CD46: variants seen among roughly 807,000 people sequenced by gnomAD.
CD46 encodes the protein membrane cofactor protein.
CD46 carries 30 observed loss-of-function variants against 53.3 expected under a neutral mutation model. That is an observed-to-expected ratio of 0.56 (90% CI 0.42 to 0.76). The LOEUF is 0.76. CD46 is among the 30% of genes least tolerant of loss of function. The probability of loss-of-function intolerance (pLI) is 0.00; values close to 1 mark genes in which losing one functional copy is unlikely to be tolerated. For synonymous variants in CD46, 142 were observed against 152.0 expected (o/e 0.93, Z 0.48); for missense variants, 409 against 463.0 (o/e 0.88, Z 1.07).
chr1:207,783,535 A>G, intron 9 of CD46: 1 of 453,568 alleles, frequency 2.2e-6, no homozygotes, highest in Non-Finnish European at 4.1e-6. Flanking sequence ...ATCTGTCGAT[A>G]AATTTTCTTT....
chr1:207,778,985 G>A (rs1249482875), intron 8 of CD46, among the ~76,000 whole-genome samples: 49 of 152,084 alleles, frequency 3.2e-4, no homozygotes, highest in Non-Finnish European at 1.3e-4. Context: ...AATTCTCATT[G>A]CAGAGATGTT....
Position 207,793,553 on chromosome 1 carries a change from C to G in CD46, c.*76C>G. 6.2e-7 allele frequency: 1 copy of G among 1,613,932 alleles called. No individual in the cohort carries two copies. Among genetic ancestry groups the G allele is most frequent in the Non-Finnish European group, 8.5e-7 (1 of 1,179,882 alleles). ...TGGTGGAGCTGAATATGCCACTTAC[C>G]AGACTAAATCAACCACTCCAGCAGA... On this transcript the variant is annotated 3_prime_UTR_variant, in exon 13 of 13. Transcript: ENST00000367042.
chr1:207,754,280 A>G (rs528511181), intron 1 of CD46, among the ~76,000 whole-genome samples: 2 of 152,194 alleles, frequency 1.3e-5, no homozygotes, highest in Non-Finnish European at 2.9e-5. Context: ...CCCTCAGCCC[A>G]GGAACATTCT....
At chr1:207,761,193 T>C in intron 4 of CD46, 56 bp from the exon 5 acceptor site, 1 of 1,136,508 alleles carries the variant, frequency 8.8e-7, no homozygotes, top group South Asian at 1.3e-5. Context: ...ACAGAAATTT[T>C]ACTAATGCTG....
intron 9 of CD46, 71 bp from the exon 10 acceptor site, chr1:207,785,000 A>G: frequency 7.8e-7 from 1 of 1,277,156 alleles, no homozygotes; most frequent in Non-Finnish European, 1.1e-6. Flanking sequence ...AAGTGTTTAG[A>G]TGATCTGATT....
At chr1:207,755,589 TCTC>T (rs1655439059) in intron 1 of CD46, among the ~76,000 whole-genome samples, 1 of 152,208 alleles carries the variant, frequency 6.6e-6, no homozygotes, top group South Asian at 2.1e-4. Context: ...AAACCCGCAA[TCTC>T]CTGTTGTGCG....
chr1:207,756,640 C>T (rs911809732), intron 1 of CD46, among the ~76,000 whole-genome samples: 17 of 152,160 alleles, frequency 1.1e-4, no homozygotes, highest in Non-Finnish European at 2.2e-4. Flanking sequence ...TATGGAAGAA[C>T]AATCTGAGCA....
intron 12 of CD46, among the ~76,000 whole-genome samples, chr1:207,793,005 A>C (rs1415014351): frequency 6.6e-6 from 1 of 152,228 alleles, no homozygotes; most frequent in Non-Finnish European, 1.5e-5. Context: ...GACTAGAATA[A>C]TAGGTTTTAT....
intron 11 of CD46, among the ~76,000 whole-genome samples, chr1:207,788,255 G>A (rs1374421453): frequency 5.9e-5 from 9 of 151,630 alleles, no homozygotes; most frequent in Admixed American, 5.9e-4. Context: ...GGTGGCTCAC[G>A]CCTGTAATCC....
intron 5 of CD46, among the ~76,000 whole-genome samples, chr1:207,766,266 G>A (rs1656838483): frequency 6.6e-6 from 1 of 152,132 alleles, no homozygotes; most frequent in South Asian, 2.1e-4. Flanking sequence ...TGATACAGCT[G>A]TACACTTGAA....
At chr1:207,790,697 G>A (rs979251816) in intron 12 of CD46, among the ~76,000 whole-genome samples, 2 of 152,152 alleles carry the variant, frequency 1.3e-5, no homozygotes, top group African/African-American at 2.4e-5. Context: ...GTGCAAGGAG[G>A]AAAAATGCCC....
At chr1:207,780,206 A>G (rs1384075661) in intron 8 of CD46, among the ~76,000 whole-genome samples, 6 of 151,706 alleles carry the variant, frequency 4.0e-5, no homozygotes, top group Admixed American at 1.3e-4. Flanking sequence ...GATAACCACT[A>G]TCTACTTTTT....
At chr1:207,753,656 G>A (rs1023811622) in intron 1 of CD46, among the ~76,000 whole-genome samples, 2 of 152,056 alleles carry the variant, frequency 1.3e-5, no homozygotes, top group South Asian at 2.1e-4. Flanking sequence ...AGATGACAGA[G>A]TGAGACCCTG....
At chr1:207,779,952 T>A (rs972175451) in intron 8 of CD46, among the ~76,000 whole-genome samples, 1 of 142,030 alleles carries the variant, frequency 7.0e-6, no homozygotes, top group African/African-American at 2.7e-5. Context: ...CTATATGTTT[T>A]AATAACTGCC....
In CD46 at chr1:207,757,031, C is replaced by G; in HGVS notation, c.115C>G (p.Pro39Ala). The change falls in exon 2 of 13, where the codon CCA (proline) becomes GCA (alanine). Residue 39 changes from proline to alanine, a missense_variant. By Grantham distance (27) the Pro-to-Ala change is conservative. Coordinates refer to ENST00000367042, the MANE Select transcript of CD46 (RefSeq NM_172351.3). ...YSFSDACEEP[P>A]TFEAMELIGK... ...ATCCCTAGATGCCTGTGAGGAGCCA[C>G]CAACATTTGAAGCTATGGAGCTCAT... is the stretch of plus-strand genomic sequence containing the variant. The G allele has an allele frequency of 6.2e-7, 1 of 1,613,942 alleles. No homozygotes were observed. Among genetic ancestry groups the G allele is most frequent in the Non-Finnish European group, 8.5e-7 (1 of 1,179,876 alleles).
chr1:207,791,272 C>G (rs1659777068), intron 12 of CD46, among the ~76,000 whole-genome samples: 1 of 152,022 alleles, frequency 6.6e-6, no homozygotes, highest in African/African-American at 2.4e-5. Context: ...ACTGTTTTCT[C>G]TTAAGCATGT....
chr1:207,775,285 CT>C (rs1224129360), intron 8 of CD46, among the ~76,000 whole-genome samples: 2 of 152,142 alleles, frequency 1.3e-5, no homozygotes, highest in East Asian at 1.9e-4. Context: ...TTCATCTAAT[CT>C]TTTTTCAAGG....
chr1:207,754,833 G>T, intron 1 of CD46, among the ~76,000 whole-genome samples: 1 of 147,456 alleles, frequency 6.8e-6, no homozygotes, highest in East Asian at 2.0e-4. Flanking sequence ...GGGAGTAGTG[G>T]TGATAAGAAG....
chr1:207,764,840 G>A (rs1656663428), intron 5 of CD46, among the ~76,000 whole-genome samples: 1 of 152,158 alleles, frequency 6.6e-6, no homozygotes, highest in African/African-American at 2.4e-5. Flanking sequence ...AGGTCCAGAT[G>A]GCTTCACTGG....
Sources: allele counts gnomAD v4.1 joint callset (sites outside exome capture counted in the v4.1 genomes callset), GRCh38; gene constraint gnomAD v4.1.1; transcripts MANE v1.5; gene names NCBI Gene and HGNC (gene_info 2026-07-23, HGNC 2026-07-21).